The following EIF4E variants were observed in gnomAD, a reference collection of about 807,000 sequenced individuals.
EIF4E encodes the protein eukaryotic translation initiation factor 4E.
For missense variants in EIF4E, 113 were observed against 265.6 expected, an observed-to-expected ratio of 0.43 and a Z score of 3.99; for synonymous variants, 71 against 88.5, an observed-to-expected ratio of 0.80 and a Z score of 1.11.
intron 1 of EIF4E, among the ~76,000 whole-genome samples, chr4:98,904,387 CAT>C (rs750849461): frequency 6.6e-6 from 1 of 152,174 alleles, no homozygotes; most frequent in Admixed American, 6.5e-5. Context: ...TCAGGAAAAA[CAT>C]ATTCAGTTCC....
intron 2 of EIF4E, chr4:98,895,603 T>C (rs1486423265): frequency 6.6e-6 from 1 of 152,192 alleles, no homozygotes; most frequent in Non-Finnish European, 1.5e-5. Context: ...ATGTACTTGA[T>C]AATTTGTCAG....
intron 2 of EIF4E, among the ~76,000 whole-genome samples, chr4:98,899,238 GA>G: frequency 6.6e-6 from 1 of 150,938 alleles, no homozygotes; most frequent in Non-Finnish European, 1.5e-5. Context: ...GAAAGTAGGG[GA>G]AAAAAAAGAT....
chr4:98,914,165 G>T (rs1579178315), intron 1 of EIF4E, among the ~76,000 whole-genome samples: 1 of 151,618 alleles, frequency 6.6e-6, no homozygotes, highest in East Asian at 1.9e-4. Flanking sequence ...AGACCAGCCT[G>T]GCCAACATGG....
In EIF4E at chr4:98,881,025, T is replaced by G. The variant is rs1393727675; in HGVS notation, c.*3A>C. 1.2e-6 allele frequency: 2 copies of G among 1,608,700 alleles called. No homozygotes were observed. The highest frequency in any genetic ancestry group is 1.7e-6 in the Non-Finnish European group (2 of 1,178,136). ...CCTATGAGAATACTCAGAAGGTGTCTTCTTAAACAACAAACCTATTTTTAG... is the reference window on the plus strand; with the variant it reads ...CCTATGAGAATACTCAGAAGGTGTCGTCTTAAACAACAAACCTATTTTTAG... On this transcript the variant is annotated 3_prime_UTR_variant, in exon 7 of 7. Coordinates refer to ENST00000450253, the MANE Select transcript of EIF4E (RefSeq NM_001968.5).
rs764172724 is a variant in EIF4E at position 98,929,101 on chromosome 4, G to T, written c.12C>A (p.Val4=). 2 of 1,580,564 alleles carry T rather than the reference G, an allele frequency of 1.3e-6. No homozygotes were observed. The highest frequency in any genetic ancestry group is 8.6e-7 in the Non-Finnish European group (1 of 1,163,114). Residue 4 remains valine, a synonymous_variant, in exon 1 of 7, where the codon GTC becomes GTA. Transcript: ENST00000450253. MAT[V]EPETTPTPNP... ...GGCCAAAGGCAATACTCACCGGTTC[G>T]ACAGTCGCCATCTTAGATCGATCTG...
intron 1 of EIF4E, among the ~76,000 whole-genome samples, chr4:98,919,893 T>C (rs762860500): frequency 4.6e-5 from 7 of 152,166 alleles, no homozygotes; most frequent in Non-Finnish European, 8.8e-5. Flanking sequence ...ACTGCACAAT[T>C]AGGTAGCCAT....
chr4:98,917,410 C>T (rs542489365), intron 1 of EIF4E, among the ~76,000 whole-genome samples: 12 of 152,136 alleles, frequency 7.9e-5, no homozygotes, highest in South Asian at 2.1e-4. Context: ...CAGGACATGT[C>T]CATGATCATG....
intron 1 of EIF4E, among the ~76,000 whole-genome samples, chr4:98,917,133 CAAAAAA>C (rs756226013): frequency 7.2e-5 from 4 of 55,244 alleles, no homozygotes; most frequent in Admixed American, 4.6e-4. Context: ...CACACACACA[CAAAAAA>C]AACCCAAATG....
intron 1 of EIF4E, among the ~76,000 whole-genome samples, chr4:98,923,405 T>C (rs1287579991): frequency 6.6e-6 from 1 of 151,960 alleles, no homozygotes; most frequent in Non-Finnish European, 1.5e-5. Flanking sequence ...AGCTCTGACC[T>C]CCCAGGCTCA....
At chr4:98,912,525 G>A (rs75051365) in intron 1 of EIF4E, among the ~76,000 whole-genome samples, 28,696 of 150,088 alleles carry the variant, frequency 0.19, 3,616 homozygotes, top group Non-Finnish European at 0.28. Context: ...GCAGTGAGCT[G>A]AGATCGCACC....
At chr4:98,913,859 T>C (rs533293748) in intron 1 of EIF4E, among the ~76,000 whole-genome samples, 9 of 152,042 alleles carry the variant, frequency 5.9e-5, no homozygotes, top group African/African-American at 1.9e-4. Context: ...AATAATAAAA[T>C]TAAAATAAAA....
rs183872406 is a variant in EIF4E at position 98,924,877 on chromosome 4, G to A, written c.18+4218C>T. 1.5e-3 allele frequency among the ~76,000 whole-genome samples: 234 copies of A among 152,278 alleles called. 1 individual carries two copies. The highest frequency in any genetic ancestry group is 5.5e-3 in the African/African-American group (230 of 41,550). On this transcript the variant is annotated intron_variant, in intron 1 of 6. Coordinates refer to ENST00000450253, the MANE Select transcript of EIF4E (RefSeq NM_001968.5). ...CCCAAAGTGCTGAGATTACAGGCGTGAGCCACCGCACTCAGCAAGTATATT... is the reference window on the plus strand; with the variant it reads ...CCCAAAGTGCTGAGATTACAGGCGTAAGCCACCGCACTCAGCAAGTATATT...
At chr4:98,883,075 T>G (rs1723765673) in intron 6 of EIF4E, among the ~76,000 whole-genome samples, 1 of 152,008 alleles carries the variant, frequency 6.6e-6, no homozygotes, top group South Asian at 2.1e-4. Context: ...GACTTGAGGC[T>G]AGGAGTTTGA....
intron 2 of EIF4E, among the ~76,000 whole-genome samples, chr4:98,899,283 A>T (rs997145226): frequency 1.3e-5 from 2 of 152,206 alleles, no homozygotes; most frequent in Non-Finnish European, 2.9e-5. Flanking sequence ...GAACTGAATA[A>T]TCTGTCCTCA....
intron 2 of EIF4E, among the ~76,000 whole-genome samples, chr4:98,896,503 A>AAC (rs1279641514): frequency 6.7e-6 from 1 of 148,566 alleles, no homozygotes; most frequent in Non-Finnish European, 1.5e-5. Flanking sequence ...AAAAAAAAAA[A>AAC]AAAAAAACAC....
intron 2 of EIF4E, among the ~76,000 whole-genome samples, chr4:98,898,541 G>A (rs1724515320): frequency 6.6e-6 from 1 of 151,160 alleles, no homozygotes; most frequent in Admixed American, 6.6e-5. Context: ...CCGGGAGGTG[G>A]AGGTCCAGCC....
At chr4:98,907,978 G>C (rs1390546980) in intron 1 of EIF4E, among the ~76,000 whole-genome samples, 2 of 152,130 alleles carry the variant, frequency 1.3e-5, no homozygotes, top group East Asian at 3.8e-4. Context: ...TCAAACTCTG[G>C]AGAAGTTCCA....
chr4:98,886,099 A>C (rs1723907732), intron 5 of EIF4E, among the ~76,000 whole-genome samples: 1 of 151,964 alleles, frequency 6.6e-6, no homozygotes, highest in Non-Finnish European at 1.5e-5. Flanking sequence ...GTGAGCTATG[A>C]TGGCCCCACT....
intron 2 of EIF4E, among the ~76,000 whole-genome samples, chr4:98,894,528 C>G (rs1258382917): frequency 6.6e-6 from 1 of 152,210 alleles, no homozygotes; most frequent in Non-Finnish European, 1.5e-5. Context: ...TACCTTATAA[C>G]TGACCTCTGC....
Sources: allele counts gnomAD v4.1 joint callset (sites outside exome capture counted in the v4.1 genomes callset), GRCh38; gene constraint gnomAD v4.1.1; transcripts MANE v1.5; gene names NCBI Gene and HGNC (gene_info 2026-07-23, HGNC 2026-07-21).